SLC18A2: variants seen among roughly 807,000 people sequenced by gnomAD.
The protein encoded by SLC18A2 is synaptic vesicular amine transporter.
In SLC18A2, 33 loss-of-function variants were observed where a neutral mutation model predicts 59.2. The observed-to-expected ratio is 0.56, with a 90% CI of 0.42 to 0.75. The LOEUF (loss-of-function observed/expected upper bound fraction) is 0.75, where lower values mean the gene tolerates loss of function less well. Ranked by LOEUF, SLC18A2 falls within the 30% of genes least tolerant of loss-of-function variation. The pLI, the probability that SLC18A2 is intolerant of heterozygous loss-of-function variation, is 0.00. For missense variants in SLC18A2, 569 were observed against 668.6 expected (o/e 0.85, Z 1.64); for synonymous variants, 228 against 253.5 (o/e 0.90, Z 0.95).
intron 15 of SLC18A2, among the ~76,000 whole-genome samples, chr10:117,272,067 G>C (rs1027271939): frequency 6.6e-6 from 1 of 152,152 alleles, no homozygotes; most frequent in African/African-American, 2.4e-5. Context: ...CCATGTAGAG[G>C]CTTATGAGTC....
chr10:117,258,039 A>C (rs1011025199), intron 10 of SLC18A2, 147 bp downstream of exon 10: 2 of 560,892 alleles, frequency 3.6e-6, no homozygotes, highest in African/African-American at 1.9e-5. Context: ...TGCTTAGGGC[A>C]GCCTTGGGGT....
chr10:117,248,728 C>T (rs1844133936), intron 3 of SLC18A2, among the ~76,000 whole-genome samples: 1 of 152,144 alleles, frequency 6.6e-6, no homozygotes, highest in South Asian at 2.1e-4. Context: ...TTCTCTCTTC[C>T]CTCAGTCAGG....
At position 117,241,763 on chromosome 10, in the gene SLC18A2, T is replaced by C. The variant is rs1844057520; in HGVS notation, c.70T>C (p.Phe24Leu). The change falls in exon 2 of 16, where the codon TTC (phenylalanine) becomes CTC (leucine). Residue 24 changes from phenylalanine (F) to leucine (L), a missense_variant. Physicochemically the swap from Phe to Leu is conservative, Grantham distance 22 (BLOSUM62 0). Transcript: ENST00000644641. ...CCGCCGCTCGCGGAAGCTCATCCTG[T>C]TCATCGTGTTCCTGGCGCTGCTGCT... ...ESRRSRKLIL[F>L]IVFLALLLDN... is the part of the protein sequence containing the mutation. 6.2e-7 allele frequency: 1 copy of C among 1,611,320 alleles called. No individual in the cohort carries two copies. The highest frequency in any genetic ancestry group is 1.1e-5 in the South Asian group (1 of 90,968).
At chr10:117,252,472 T>C (rs148752321) in intron 3 of SLC18A2, among the ~76,000 whole-genome samples, 9 of 152,206 alleles carry the variant, frequency 5.9e-5, no homozygotes, top group Middle Eastern at 3.4e-3. Flanking sequence ...AAACCTTCAA[T>C]TGGGCAAGAG....
chr10:117,259,755 T>C (rs1156610960), intron 10 of SLC18A2, among the ~76,000 whole-genome samples: 5 of 152,192 alleles, frequency 3.3e-5, no homozygotes, highest in African/African-American at 4.8e-5. Context: ...CGAGGGACCT[T>C]TACTTCTTCT....
intron 3 of SLC18A2, among the ~76,000 whole-genome samples, chr10:117,249,086 G>C (rs187715885): frequency 6.6e-6 from 1 of 152,280 alleles, no homozygotes; most frequent in Non-Finnish European, 1.5e-5. Flanking sequence ...GCTAGCTTCA[G>C]CCAGTGGGTC....
chr10:117,246,215 T>C (rs1223520495), intron 3 of SLC18A2, among the ~76,000 whole-genome samples: 1 of 152,232 alleles, frequency 6.6e-6, no homozygotes, highest in African/African-American at 2.4e-5. Flanking sequence ...ATTATCGTAA[T>C]AATACCTTGC....
chr10:117,254,526 G>T (rs1316275130), intron 6 of SLC18A2, 29 bp downstream of exon 6: 3 of 1,515,072 alleles, frequency 2.0e-6, no homozygotes, highest in Non-Finnish European at 2.7e-6. Context: ...TAGGCAAACT[G>T]GCAAGAGGGG....
rs756463862 is a variant in SLC18A2, at chr10:117,244,184, C to A, written c.335C>A (p.Ala112Asp). 6.2e-7 allele frequency: 1 copy of A among 1,614,244 alleles called. No homozygotes were observed. The highest frequency in any genetic ancestry group is 1.7e-5 in the Admixed American group (1 of 60,032). Residue 112 changes from alanine (A) to aspartate (D), a missense_variant, in exon 3 of 16, where the codon GCT becomes GAT. Physicochemically the swap from Ala to Asp is moderately radical, Grantham distance 126. Transcript: ENST00000644641. ...CAGCACATGGTGACCAACGCGTCCG[C>A]TGTTCCTTCCGACTGTCCCAGTGAA... Reference protein sequence around the residue: ...ATQHMVTNASAVPSDCPSEDK... With the variant: ...ATQHMVTNASDVPSDCPSEDK...
chr10:117,264,285 A>G (rs1296891187), intron 10 of SLC18A2, among the ~76,000 whole-genome samples: 1 of 152,232 alleles, frequency 6.6e-6, no homozygotes, highest in African/African-American at 2.4e-5. Context: ...CCCAGCCAAC[A>G]CTTTTCTCAG....
rs930477898 is a variant in SLC18A2, at chr10:117,277,676, C to A, written c.*410C>A. 1 of 152,656 alleles carries A rather than the reference C, an allele frequency of 6.6e-6. No individual in the cohort carries two copies. The highest frequency in any genetic ancestry group is 1.5e-5 in the Non-Finnish European group (1 of 68,478). The allele number at this position is 152,656 out of a possible 1,614,324, so 9.5% of individuals were successfully genotyped here. A position where few individuals can be genotyped will look rare whatever the true frequency, so the allele number is the denominator to read the frequency against. On this transcript the variant is annotated 3_prime_UTR_variant, in exon 16 of 16. Coordinates refer to ENST00000644641, the MANE Select transcript of SLC18A2 (RefSeq NM_003054.6). ...CACATTATCTCTGAGACTCTTCCAA[C>A]AAAGAGAAACTAGAATGAAGTCTGA...
In SLC18A2 at chr10:117,278,414, T is replaced by G. The variant is rs1258832193; in HGVS notation, c.*1148T>G. 1 of 152,242 alleles carries G rather than the reference T, an allele frequency of 6.6e-6. No individual in the cohort carries two copies. The highest frequency in any genetic ancestry group is 2.4e-5 in the African/African-American group (1 of 41,462). The allele number at this position is 152,242 out of a possible 1,614,324, so 9.4% of individuals were successfully genotyped here. On this transcript the variant is annotated 3_prime_UTR_variant, in exon 16 of 16. Coordinates refer to ENST00000644641, the MANE Select transcript of SLC18A2 (RefSeq NM_003054.6). ...AAAATGGAACATCTAAAAATGTATG[T>G]GCTAACTATATCATCCAGTGTGCAG...
chr10:117,250,743 A>G (rs1334412206), intron 3 of SLC18A2, among the ~76,000 whole-genome samples: 2 of 152,162 alleles, frequency 1.3e-5, no homozygotes, highest in Non-Finnish European at 2.9e-5. Context: ...AAAAATGGAT[A>G]AAACCAGCTA....
At position 117,254,469 on chromosome 10, in the gene SLC18A2, C is replaced by T. The variant is rs772501934; in HGVS notation, c.672C>T (p.Ala224=). ...DEERGNVMGI[A]LGGLAMGVLV... is the part of the protein sequence containing the mutation. ...AGAGAGGCAACGTCATGGGAATCGC[C>T]TTGGGAGGCCTGGCCATGGGGGTCT... The change falls in exon 6 of 16, where the codon GCC becomes GCT. Residue 224 remains alanine (A), a synonymous_variant. Coordinates refer to ENST00000644641, the MANE Select transcript of SLC18A2 (RefSeq NM_003054.6). The T allele has an allele frequency of 5.1e-5, 82 of 1,609,206 alleles. No homozygotes were observed. Among genetic ancestry groups the T allele is most frequent in the Non-Finnish European group, 6.6e-5 (78 of 1,177,426 alleles).
intron 7 of SLC18A2, 28 bp from the exon 8 acceptor site, chr10:117,255,451 G>C: frequency 6.2e-7 from 1 of 1,614,098 alleles, no homozygotes; most frequent in Non-Finnish European, 8.5e-7. Context: ...CTGAAGAGGG[G>C]CTTGTCTTTT....
Position 117,244,120 on chromosome 10 carries a change from A to T in SLC18A2, c.271A>T (p.Asn91Tyr). 6.2e-7 allele frequency: 1 copy of T among 1,614,198 alleles called. No individual in the cohort carries two copies. The highest frequency in any genetic ancestry group is 1.3e-5 in the African/African-American group (1 of 75,048). ...YYDNSTMVTG[N>Y]ATRDLTLHQT... ...TGATAACTCGACTATGGTCACCGGG[A>T]ATGCTACCAGAGACCTGACACTTCA... The change falls in exon 3 of 16, where the codon AAT (asparagine) becomes TAT (tyrosine). Residue 91 changes from asparagine to tyrosine, a missense_variant. Around this residue, in one of 2 missense-constraint regions of SLC18A2, gnomAD observed 377 missense variants for 389.8 expected, o/e 0.97. Coordinates refer to ENST00000644641, the MANE Select transcript of SLC18A2 (RefSeq NM_003054.6).
At position 117,269,246 on chromosome 10, in the gene SLC18A2, C is replaced by A. The variant is rs572475304; in HGVS notation, c.1187-825C>A. ...ACACAAATACAAGTACATACACAAA[C>A]ACATATACACAGACACATACACATG... On this transcript the variant is annotated intron_variant, in intron 13 of 15. Coordinates refer to ENST00000644641, the MANE Select transcript of SLC18A2 (RefSeq NM_003054.6). The surrounding 1 kb of genome is among the most constrained non-coding windows in gnomAD (Gnocchi z 5.1). 3.6e-5 allele frequency among the ~76,000 whole-genome samples: 5 copies of A among 140,334 alleles called. No individual in the cohort carries two copies. Among genetic ancestry groups the A allele is most frequent in the Admixed American group, 1.4e-4 (2 of 14,446 alleles). The allele number at this position is 140,334 out of a possible 152,430, so 92.1% of individuals were successfully genotyped here.
chr10:117,255,461 T>C lies in SLC18A2; in HGVS notation c.791-18T>C. 1 of 1,613,992 alleles carries C rather than the reference T, an allele frequency of 6.2e-7. No homozygotes were observed. Among genetic ancestry groups the C allele is most frequent in the Non-Finnish European group, 8.5e-7 (1 of 1,179,944 alleles). On this transcript the variant is annotated intron_variant, in intron 7 of 15. Transcript: ENST00000644641. ...GCTTTCTGAAGAGGGGCTTGTCTTT[T>C]TTATTTTTATTTTTTAGCTATTCAG...
intron 2 of SLC18A2, 79 bp downstream of exon 2, chr10:117,241,893 G>T (rs994420952): frequency 7.3e-7 from 1 of 1,377,248 alleles, no homozygotes. Flanking sequence ...ACCCCTGCGC[G>T]GTCCCGGAGC....
Sources: allele counts gnomAD v4.1 joint callset (sites outside exome capture counted in the v4.1 genomes callset), GRCh38; gene constraint gnomAD v4.1.1; regional missense constraint gnomAD v4.1.1; non-coding constraint Gnocchi (gnomAD v3.1); transcripts MANE v1.5; gene names NCBI Gene and HGNC (gene_info 2026-07-23, HGNC 2026-07-21).